Variants in CSN2 observed in about 807,000 individuals in gnomAD.
The protein encoded by CSN2 is beta-casein.
Under a neutral mutation model 27.3 loss-of-function variants are expected in CSN2, and 27 were observed. That is an observed-to-expected ratio of 0.99 (90% CI 0.73 to 1.36). The LOEUF (loss-of-function observed/expected upper bound fraction) is 1.36, where lower values mean the gene tolerates loss of function less well. Ranked by LOEUF, CSN2 falls within the 40% of genes most tolerant of loss-of-function variation. CSN2 has a pLI of 0.00. For synonymous variants in CSN2, 131 were observed against 94.8 expected (o/e 1.38, Z -2.22); for missense variants, 333 against 264.5 (o/e 1.26, Z -1.80).
intron 1 of CSN2, 133 bp from the exon 2 acceptor site, chr4:69,961,140 A>C (rs1723566551): frequency 1.8e-6 from 1 of 557,484 alleles, no homozygotes; most frequent in Non-Finnish European, 3.3e-6. Flanking sequence ...GCATTTAGAA[A>C]ATAAATAGAA....
At chr4:69,960,478 A>ATAT (rs1444200250) in intron 2 of CSN2, among the ~76,000 whole-genome samples, 1 of 150,582 alleles carries the variant, frequency 6.6e-6, no homozygotes. Flanking sequence ...TATTTTTATT[A>ATAT]TATTATTATT....
rs745913926 is a variant in CSN2, at chr4:69,960,925, A to G, written c.51+20T>C. 8.1e-6 allele frequency: 13 copies of G among 1,610,238 alleles called. No individual in the cohort carries two copies. The highest frequency in any genetic ancestry group is 2.7e-5 in the African/African-American group (2 of 74,832). ...TCCACTATTTATTGATTGTTTAGGA[A>G]TTTTTTCTTGTGCACATACCTCCCT... On this transcript the variant is annotated intron_variant, in intron 2 of 7. Transcript: ENST00000353151.
rs72853406 is a variant in CSN2 at position 69,957,820 on chromosome 4, A to G, written c.145-16T>C. On this transcript the variant is annotated splice_polypyrimidine_tract_variant and intron_variant, in intron 5 of 7. Transcript: ENST00000353151. The stretch of plus-strand genomic sequence containing the variant: ...GGTGTTCATCCTGGAAAGAAGGAAA[A>G]AGAATCTTTGAGTCCTTGATTAAGC... 43,164 of 1,602,362 alleles carry G rather than the reference A, an allele frequency of 0.027. 668 individuals carry two copies. Among genetic ancestry groups the G allele is most frequent in the East Asian group, 0.042 (1,897 of 44,726 alleles).
intron 1 of CSN2, among the ~76,000 whole-genome samples, chr4:69,961,321 G>A (rs975414351): frequency 3.8e-4 from 58 of 151,920 alleles, no homozygotes; most frequent in African/African-American, 1.1e-3. Flanking sequence ...TTTTCAAAAG[G>A]CATAAAGAAG....
intron 1 of CSN2, among the ~76,000 whole-genome samples, chr4:69,963,289 A>G (rs1723669056): frequency 6.6e-6 from 1 of 152,204 alleles, no homozygotes; most frequent in South Asian, 2.1e-4. Flanking sequence ...ATACACATGT[A>G]TGTTTATTGC....
In CSN2 at chr4:69,957,547, A is replaced by G. The variant is rs760999263; in HGVS notation, c.402T>C (p.Thr134=). ...PFFDPQIPKL[T]DLENLHLPLP... is the part of the protein sequence containing the mutation. ...GAGGAAGATGCAGATTTTCAAGATC[A>G]GTGAGTTTTGGGATTTGAGGGTCAA... The change falls in exon 6 of 8, where the codon ACT becomes ACC. Residue 134 remains threonine, a synonymous_variant. Coordinates refer to ENST00000353151, the MANE Select transcript of CSN2 (RefSeq NM_001891.4). 1.2e-6 allele frequency: 2 copies of G among 1,613,962 alleles called. No homozygotes were observed. Among genetic ancestry groups the G allele is most frequent in the East Asian group, 4.5e-5 (2 of 44,866 alleles).
Position 69,957,575 on chromosome 4 carries a change from A to C in CSN2, c.374T>G (p.Phe125Cys), listed in dbSNP as rs751438548. 2 of 1,613,966 alleles carry C rather than the reference A, an allele frequency of 1.2e-6. No individual in the cohort carries two copies. The highest frequency in any genetic ancestry group is 8.5e-7 in the Non-Finnish European group (1 of 1,179,986). ...GAGTTTTGGGATTTGAGGGTCAAAA[A>C]AGGGTATCGTTGGAGATTTAAGGAC... ...MPVLKSPTIP[F>C]FDPQIPKLTD... Residue 125 changes from phenylalanine to cysteine, a missense_variant, in exon 6 of 8, where the codon TTT becomes TGT. Phe to Cys is a radical substitution (Grantham distance 205). Coordinates refer to ENST00000353151, the MANE Select transcript of CSN2 (RefSeq NM_001891.4).
At chr4:69,964,729 A>G (rs890579931) in intron 1 of CSN2, among the ~76,000 whole-genome samples, 1 of 150,334 alleles carries the variant, frequency 6.7e-6, no homozygotes, top group Non-Finnish European at 1.5e-5. Flanking sequence ...TATAAGTAAT[A>G]TAAACTTTAC....
At position 69,960,976 on chromosome 4, in the gene CSN2, G is replaced by C. The variant is rs984396000; in HGVS notation, c.20C>G (p.Ala7Gly). The part of the protein sequence containing the change: MKVLIL[A>G]CLVALALARE... ...TGCAAGAGCAAGAGCCACCAGGCAG[G>C]CGAGGATGAGGACCTTCATGGCTAC... The change falls in exon 2 of 8, where the codon GCC becomes GGC. Residue 7 changes from alanine to glycine, a missense_variant. Coordinates refer to ENST00000353151, the MANE Select transcript of CSN2 (RefSeq NM_001891.4). The C allele has an allele frequency of 9.9e-6, 16 of 1,612,876 alleles. No individual in the cohort carries two copies. The highest frequency in any genetic ancestry group is 1.4e-5 in the Non-Finnish European group (16 of 1,179,276).
At chr4:69,961,075 G>T in intron 1 of CSN2, 68 bp from the exon 2 acceptor site, 1 of 1,080,018 alleles carries the variant, frequency 9.3e-7, no homozygotes, top group Non-Finnish European at 1.4e-6. Context: ...ATGTAGGTAA[G>T]GTTACTTTTT....
chr4:69,958,999 T>A, intron 4 of CSN2, 46 bp from the exon 5 acceptor site: 3 of 1,544,734 alleles, frequency 1.9e-6, no homozygotes, highest in South Asian at 1.2e-5. Context: ...CTGTAAAGAT[T>A]AAAAGGAGGA....
intron 1 of CSN2, among the ~76,000 whole-genome samples, chr4:69,961,743 C>A (rs1465810264): frequency 6.6e-6 from 1 of 152,026 alleles, no homozygotes; most frequent in Non-Finnish European, 1.5e-5. Flanking sequence ...GGCAATTAGG[C>A]AGGAGAAGGA....
chr4:69,958,046 T>C (rs1463993720), intron 5 of CSN2, among the ~76,000 whole-genome samples: 1 of 152,200 alleles, frequency 6.6e-6, no homozygotes, highest in Non-Finnish European at 1.5e-5. Flanking sequence ...AATCAATGTT[T>C]GGATATTTCA....
At position 69,956,326 on chromosome 4, in the gene CSN2, G is replaced by A; in HGVS notation, c.*24C>T. On this transcript the variant is annotated 3_prime_UTR_variant, in exon 7 of 8. Transcript: ENST00000353151. Reference sequence around the variant, plus strand: ...TCCCAAAACTTACCAAAAATAAGGAGGGAAAATTAACTTTGAAATCTTCTT... The same window carrying A: ...TCCCAAAACTTACCAAAAATAAGGAAGGAAAATTAACTTTGAAATCTTCTT... The A allele has an allele frequency of 3.6e-6, 5 of 1,398,770 alleles. No homozygotes were observed. The highest frequency in any genetic ancestry group is 4.7e-6 in the Non-Finnish European group (5 of 1,058,594). 86.6% of individuals were successfully genotyped at this position (1,398,770 alleles called of 1,614,324 possible). A position where few individuals can be genotyped will look rare whatever the true frequency, so the allele number is the denominator to read the frequency against.
rs192108335 is a variant in CSN2, at chr4:69,959,492, A to T, written c.79-423T>A. Among the ~76,000 whole-genome samples, 54 of 152,250 alleles carry T rather than the reference A, an allele frequency of 3.5e-4. No individual in the cohort carries two copies. In the East Asian group the frequency reaches 5.4e-3, roughly 15 times the overall value. On this transcript the variant is annotated intron_variant, in intron 3 of 7. Coordinates refer to ENST00000353151, the MANE Select transcript of CSN2 (RefSeq NM_001891.4). ...CTTTCTGAAGAGACAGAATCTATTG[A>T]TGTACCATTTACTTATCAAGTGATC... is the stretch of plus-strand genomic sequence containing the variant.
chr4:69,959,969 A>T (rs1723518366), intron 3 of CSN2, 84 bp downstream of exon 3: 1 of 1,209,700 alleles, frequency 8.3e-7, no homozygotes, highest in African/African-American at 1.5e-5. Flanking sequence ...ACATAGCTGC[A>T]TTAGCTTAAC....
intron 3 of CSN2, among the ~76,000 whole-genome samples, chr4:69,959,634 TC>T (rs1723507568): frequency 1.3e-5 from 2 of 152,086 alleles, no homozygotes; most frequent in Admixed American, 1.3e-4. Context: ...ATAAAATGTG[TC>T]CTTTTTGCAC....
intron 1 of CSN2, among the ~76,000 whole-genome samples, chr4:69,962,893 AAAAC>A (rs761083737): frequency 3.0e-4 from 45 of 152,210 alleles, no homozygotes; most frequent in Admixed American, 1.5e-3. Context: ...TTACAAGAAA[AAAAC>A]AAACAACCCC....
At chr4:69,961,315 C>T (rs543149437) in intron 1 of CSN2, among the ~76,000 whole-genome samples, 4 of 152,076 alleles carry the variant, frequency 2.6e-5, no homozygotes, top group African/African-American at 9.6e-5. Context: ...TTGAATTTTT[C>T]AAAAGGCATA....
Sources: gnomAD v4.1 joint callset for allele counts (sites outside exome capture counted in the v4.1 genomes callset) on GRCh38, gnomAD v4.1.1 for gene constraint, MANE v1.5 for transcripts, NCBI Gene and HGNC (gene_info 2026-07-23, HGNC 2026-07-21) for gene names.